Variants in POLA2 observed in about 807,000 individuals in gnomAD.
The protein encoded by POLA2 is DNA polymerase alpha subunit B.
Under a neutral mutation model 82.8 loss-of-function variants are expected in POLA2, and 47 were observed. The ratio of observed to expected loss-of-function variants is 0.57; its 90% confidence interval spans 0.45 to 0.72. The LOEUF (loss-of-function observed/expected upper bound fraction) is 0.72. Ranked by LOEUF, POLA2 falls within the 30% of genes least tolerant of loss-of-function variation. The probability of loss-of-function intolerance (pLI) is 0.00; values close to 1 mark genes in which losing one functional copy is unlikely to be tolerated. For missense variants in POLA2, 634 were observed against 728.1 expected (o/e 0.87, Z 1.49); for synonymous variants, 287 against 286.8 (o/e 1.00, Z -0.01).
chr11:65,270,995 G>A (rs886331284), intron 4 of POLA2, among the ~76,000 whole-genome samples: 5 of 152,104 alleles, frequency 3.3e-5, no homozygotes, highest in African/African-American at 9.7e-5. Context: ...TGCTTCTGCC[G>A]TGCCAAATAT....
At chr11:65,286,024 CTT>C (rs920333046) in intron 10 of POLA2, among the ~76,000 whole-genome samples, 7 of 152,174 alleles carry the variant, frequency 4.6e-5, no homozygotes, top group African/African-American at 1.4e-4. Context: ...GTAAAGGAGA[CTT>C]TGCCCGTGTG....
At chr11:65,275,600 CAT>C (rs1397206854) in intron 4 of POLA2, among the ~76,000 whole-genome samples, 2 of 152,164 alleles carry the variant, frequency 1.3e-5, no homozygotes, top group East Asian at 1.9e-4. Flanking sequence ...AGAAAGTAAA[CAT>C]ATGAAGGATT....
intron 1 of POLA2, among the ~76,000 whole-genome samples, chr11:65,265,238 A>AGC (rs1555018311): frequency 2.0e-5 from 3 of 146,482 alleles, no homozygotes; most frequent in East Asian, 2.0e-4. Context: ...CAAAAAAAAA[A>AGC]GGGGGGGGGC....
At chr11:65,267,757 C>T (rs897291742) in intron 3 of POLA2, among the ~76,000 whole-genome samples, 189 bp downstream of exon 3, 2 of 151,914 alleles carry the variant, frequency 1.3e-5, no homozygotes, top group Non-Finnish European at 2.9e-5. Context: ...CCAACCTGGG[C>T]AACATGGTGA....
intron 4 of POLA2, among the ~76,000 whole-genome samples, chr11:65,273,181 A>G (rs1388613549): frequency 1.2e-4 from 18 of 145,760 alleles, no homozygotes; most frequent in Admixed American, 2.8e-4. Context: ...TTATCCCGGC[A>G]TGGTGGCACA....
chr11:65,266,729 C>A, intron 2 of POLA2, 23 bp downstream of exon 2: 1 of 1,613,144 alleles, frequency 6.2e-7, no homozygotes, highest in African/African-American at 1.3e-5. Context: ...TGAAAGCAAA[C>A]TAATAATGTG....
chr11:65,305,462 G>A, exon 9 of POLA2: 2 of 447,910 alleles, frequency 4.5e-6, no homozygotes, highest in Non-Finnish European at 8.9e-6. Flanking sequence ...ACTGTGTGGG[G>A]GCCTGGTACC....
At chr11:65,268,800 T>G (rs1301270035) in intron 4 of POLA2, 71 bp downstream of exon 4, 2 of 1,042,546 alleles carry the variant, frequency 1.9e-6, no homozygotes, top group East Asian at 5.4e-5. Flanking sequence ...CATTTGAAGA[T>G]CTGAGGGAAA....
intron 13 of POLA2, among the ~76,000 whole-genome samples, chr11:65,292,057 G>T (rs1046263760): frequency 6.6e-6 from 1 of 152,146 alleles, no homozygotes; most frequent in Non-Finnish European, 1.5e-5. Context: ...TGGCCAACAC[G>T]GCGAAACCCC....
chr11:65,300,468 T>A (rs932476995), downstream of POLA2, among the ~76,000 whole-genome samples: 1 of 149,744 alleles, frequency 6.7e-6, no homozygotes, highest in African/African-American at 2.6e-5. Flanking sequence ...TACAGGTGTG[T>A]CTAGAACTCC....
intron 13 of POLA2, among the ~76,000 whole-genome samples, chr11:65,293,150 T>C (rs1390019873): frequency 6.6e-6 from 1 of 152,134 alleles, no homozygotes; most frequent in Non-Finnish European, 1.5e-5. Context: ...TGCTGAGAAA[T>C]AGAAACTCAG....
chr11:65,304,404 AACCCACCCATCAACCCACCCATCC>A (rs1949875349), intron 8 of POLA2, among the ~76,000 whole-genome samples: 1 of 129,072 alleles, frequency 7.7e-6, no homozygotes, highest in African/African-American at 3.1e-5. Context: ...TCCATCCATC[AACCCACCCATCAACCCACCCATCC>A]ACCCAACCAT....
chr11:65,280,120 T>C (rs557199414), intron 7 of POLA2: 1 of 153,240 alleles, frequency 6.5e-6, no homozygotes, highest in African/African-American at 2.4e-5. Context: ...TTTTCTAATC[T>C]AAGGGGAAAT....
At chr11:65,272,064 C>G (rs1353093281) in intron 4 of POLA2, among the ~76,000 whole-genome samples, 1 of 152,088 alleles carries the variant, frequency 6.6e-6, no homozygotes, top group African/African-American at 2.4e-5. Flanking sequence ...AATCCCAGCA[C>G]TTTGGGAGGC....
chr11:65,266,453 A>G lies in POLA2; in HGVS notation c.80-129A>G. On this transcript the variant is annotated intron_variant, in intron 1 of 17. Transcript: ENST00000265465. ...GGATGCTTCTGTTTTCTCATTGCCC[A>G]AAACAGTGCCTGGCACTAATAGATT... The G allele has an allele frequency of 7.5e-6, 7 of 936,886 alleles. No homozygotes were observed. In the South Asian group the frequency reaches 1.1e-4, roughly 15 times the overall value. 58.0% of individuals were successfully genotyped at this position (936,886 alleles called of 1,614,324 possible).
chr11:65,294,649 G>T lies in POLA2; in HGVS notation c.1457G>T (p.Ser486Ile). ...LLFHLGAEEISSSSGTSDRFS... is the reference protein window; with the variant it reads ...LLFHLGAEEIISSSGTSDRFS... ...TTCCACCTGGGGGCCGAGGAGATCA[G>T]TAGGTAAGAAGTGTGTTCCAGGCCC... Residue 486 changes from serine to isoleucine, a missense_variant, in exon 15 of 18, where the codon AGT (serine) becomes ATT (isoleucine). Physicochemically the swap from Ser to Ile is moderately radical, Grantham distance 142. Transcript: ENST00000265465. 1 of 1,609,092 alleles carries T rather than the reference G, an allele frequency of 6.2e-7. No homozygotes were observed. The highest frequency in any genetic ancestry group is 1.1e-5 in the South Asian group (1 of 90,922).
At chr11:65,291,916 C>G (rs2137579817) in intron 13 of POLA2, among the ~76,000 whole-genome samples, 1 of 152,290 alleles carries the variant, frequency 6.6e-6, no homozygotes, top group South Asian at 2.1e-4. Context: ...GTCAGAAATG[C>G]AGAGCATTAA....
intron 4 of POLA2, among the ~76,000 whole-genome samples, chr11:65,268,953 C>T (rs1949492187): frequency 6.6e-6 from 1 of 152,128 alleles, no homozygotes; most frequent in Admixed American, 6.5e-5. Flanking sequence ...TAAAACATTT[C>T]TATAAACATA....
intron 1 of POLA2, among the ~76,000 whole-genome samples, chr11:65,264,265 C>T (rs925779280): frequency 7.9e-5 from 12 of 152,156 alleles, no homozygotes; most frequent in African/African-American, 2.9e-4. Flanking sequence ...GATGGGGTTT[C>T]GCCATGTTGG....
Sources: gnomAD v4.1 joint callset for allele counts (sites outside exome capture counted in the v4.1 genomes callset) on GRCh38, gnomAD v4.1.1 for gene constraint, MANE v1.5 for transcripts, NCBI Gene and HGNC (gene_info 2026-07-23, HGNC 2026-07-21) for gene names.